Variants in CDH4 observed in about 807,000 individuals in gnomAD.
CDH4 encodes the protein cadherin-4.
A neutral mutation model predicts 86.0 loss-of-function variants in CDH4; 33 were observed. The observed-to-expected ratio is 0.38, with a 90% confidence interval of 0.29 to 0.51. The LOEUF is 0.51. Ranked by LOEUF, CDH4 falls within the 20% of genes least tolerant of loss-of-function variation. The probability of loss-of-function intolerance (pLI) is 0.86; values close to 1 mark genes in which losing one functional copy is unlikely to be tolerated. For synonymous variants in CDH4, 555 were observed against 549.4 expected (o/e 1.01, Z -0.14); for missense variants, 1,114 against 1,307.4 (o/e 0.85, Z 2.28).
At chr20:61,611,775 G>A (rs1177006066) in intron 2 of CDH4, among the ~76,000 whole-genome samples, 32 of 152,138 alleles carry the variant, frequency 2.1e-4, no homozygotes, top group Admixed American at 2.0e-3. Context: ...AGCAAGCTCA[G>A]TGGGGTGGAT....
At chr20:61,376,799 A>C (rs2084875225) in intron 2 of CDH4, among the ~76,000 whole-genome samples, 1 of 152,212 alleles carries the variant, frequency 6.6e-6, no homozygotes, top group South Asian at 2.1e-4. Flanking sequence ...CAAAGTTCAG[A>C]GACACAGGTG....
chr20:61,359,118 G>A (rs895487189), intron 2 of CDH4, among the ~76,000 whole-genome samples: 8 of 152,148 alleles, frequency 5.3e-5, no homozygotes, highest in Admixed American at 2.0e-4. Flanking sequence ...GCCTGAGTTC[G>A]TTAACTCATG....
chr20:61,391,351 G>A (rs1012056346), intron 2 of CDH4, among the ~76,000 whole-genome samples: 1 of 152,174 alleles, frequency 6.6e-6, no homozygotes, highest in Non-Finnish European at 1.5e-5. Flanking sequence ...TGACACTTGC[G>A]TCAGGAGAAA....
chr20:61,273,355 G>A (rs2084197195), intron 2 of CDH4, among the ~76,000 whole-genome samples: 4 of 139,566 alleles, frequency 2.9e-5, no homozygotes, highest in African/African-American at 8.1e-5. Context: ...TGCAGTTTGG[G>A]GGAGTACCGT....
In CDH4 at chr20:61,283,527, A is replaced by G. The variant is rs1437246753; in HGVS notation, c.169+28590A>G. On this transcript the variant is annotated intron_variant, in intron 2 of 15. Transcript: ENST00000614565. ...ACGCGTGTGCTGTGGTGTGTGATGT[A>G]GGTGCATTTACACGCGTGTGCTGTG... Among the ~76,000 whole-genome samples, 440 of 77,978 alleles carry G rather than the reference A, an allele frequency of 5.6e-3. 61 individuals carry two copies. Among genetic ancestry groups the G allele is most frequent in the African/African-American group, 9.0e-3 (173 of 19,128 alleles). The allele number at this position is 77,978 out of a possible 152,430, so 51.2% of individuals were successfully genotyped here.
At chr20:61,598,634 C>T (rs1237001423) in intron 2 of CDH4, among the ~76,000 whole-genome samples, 1 of 152,194 alleles carries the variant, frequency 6.6e-6, no homozygotes, top group Non-Finnish European at 1.5e-5. Flanking sequence ...CCCCCACCTC[C>T]CACCCGACCC....
chr20:61,435,186 G>A (rs558233974), intron 2 of CDH4, among the ~76,000 whole-genome samples: 7 of 152,340 alleles, frequency 4.6e-5, no homozygotes, highest in South Asian at 2.1e-4. Flanking sequence ...AATGGGTTCC[G>A]TAGTAACAGG....
At chr20:61,579,565 G>T (rs934767874) in intron 2 of CDH4, among the ~76,000 whole-genome samples, 1 of 152,056 alleles carries the variant, frequency 6.6e-6, no homozygotes, top group Non-Finnish European at 1.5e-5. Context: ...GGGATTACAG[G>T]TGTGAGCCAC....
chr20:61,350,130 A>G, intron 2 of CDH4, among the ~76,000 whole-genome samples: 1 of 105,862 alleles, frequency 9.4e-6, no homozygotes, highest in Non-Finnish European at 1.9e-5. Context: ...CCAGTGCTGC[A>G]GAGGCCAGCG....
intron 4 of CDH4, among the ~76,000 whole-genome samples, chr20:61,788,059 A>G (rs1373118166): frequency 1.3e-5 from 2 of 152,264 alleles, no homozygotes; most frequent in East Asian, 3.9e-4. Flanking sequence ...GCCGTGAGGG[A>G]CCAGGCAGAG....
intron 2 of CDH4, among the ~76,000 whole-genome samples, chr20:61,483,752 A>G (rs1199384675): frequency 6.9e-6 from 1 of 145,628 alleles, no homozygotes; most frequent in Admixed American, 7.3e-5. Context: ...TGGAGAAACC[A>G]TGTGACTGAC....
chr20:61,361,306 G>T (rs1025259613), intron 2 of CDH4, among the ~76,000 whole-genome samples: 5 of 152,152 alleles, frequency 3.3e-5, no homozygotes, highest in Non-Finnish European at 5.9e-5. Flanking sequence ...GGGTGGGAGT[G>T]GGGGAGGATG....
chr20:61,340,018 T>C (rs1324710489), intron 2 of CDH4, among the ~76,000 whole-genome samples: 1 of 152,210 alleles, frequency 6.6e-6, no homozygotes, highest in East Asian at 1.9e-4. Flanking sequence ...AGATGATGAG[T>C]TAATTAATGA....
intron 7 of CDH4, among the ~76,000 whole-genome samples, chr20:61,883,810 T>C (rs1167732420): frequency 9.2e-5 from 14 of 152,132 alleles, no homozygotes; most frequent in African/African-American, 3.4e-4. Flanking sequence ...ACATCTAGAC[T>C]CTTCTAATCA....
At chr20:61,568,112 G>A (rs537231755) in intron 2 of CDH4, among the ~76,000 whole-genome samples, 1 of 152,276 alleles carries the variant, frequency 6.6e-6, no homozygotes, top group East Asian at 1.9e-4. Flanking sequence ...GGCAGCCGTG[G>A]CAGGGTCCCC....
intron 2 of CDH4, among the ~76,000 whole-genome samples, chr20:61,458,374 G>C (rs1238050555): frequency 7.1e-6 from 1 of 140,794 alleles, no homozygotes; most frequent in East Asian, 1.9e-4. Flanking sequence ...GGTCATGGTG[G>C]TGATGGTATG....
At chr20:61,279,594 T>C (rs1257837660) in intron 2 of CDH4, among the ~76,000 whole-genome samples, 5 of 152,096 alleles carry the variant, frequency 3.3e-5, no homozygotes, top group Non-Finnish European at 7.4e-5. Flanking sequence ...TCACCCTCAG[T>C]GTCCCCAGGG....
At chr20:61,936,710 C>T (rs1274918089) in intron 15 of CDH4, 27 bp from the exon 16 acceptor site, 1 of 1,507,054 alleles carries the variant, frequency 6.6e-7, no homozygotes, top group East Asian at 2.5e-5. Context: ...GCGTCCTGCA[C>T]CCTAACTCTG....
At chr20:61,458,123 G>C (rs112064601) in intron 2 of CDH4, among the ~76,000 whole-genome samples, 4 of 150,146 alleles carry the variant, frequency 2.7e-5, no homozygotes, top group African/African-American at 4.9e-5. Flanking sequence ...AGTGCTGATG[G>C]TGGTGGTGGT....
Sources: allele counts gnomAD v4.1 joint callset (sites outside exome capture counted in the v4.1 genomes callset), GRCh38; gene constraint gnomAD v4.1.1; transcripts MANE v1.5; gene names NCBI Gene and HGNC (gene_info 2026-07-23, HGNC 2026-07-21).